The following STPG2 variants were observed in gnomAD, a reference collection of about 807,000 sequenced individuals.
STPG2 encodes sperm-tail PG-rich repeat-containing protein 2.
A neutral mutation model predicts 54.2 loss-of-function variants in STPG2; 56 were observed. That is an observed-to-expected ratio of 1.03 (90% confidence interval 0.83 to 1.29). STPG2 has a LOEUF of 1.29. Among genes scored for constraint, STPG2 ranks in the 50% most tolerant of loss-of-function variants. STPG2 has a pLI of 0.00. For missense variants in STPG2, 596 were observed against 544.9 expected (o/e 1.09, Z -0.93); for synonymous variants, 200 against 181.8 (o/e 1.10, Z -0.81).
At chr4:97,677,626 GATT>G (rs1722890925) in intron 10 of STPG2, among the ~76,000 whole-genome samples, 1 of 152,140 alleles carries the variant, frequency 6.6e-6, no homozygotes, top group Non-Finnish European at 1.5e-5. Context: ...GCAAATTTGG[GATT>G]ATTTCCTTCA....
chr4:97,625,399 T>A (rs1375130840), intron 10 of STPG2, among the ~76,000 whole-genome samples: 1 of 152,112 alleles, frequency 6.6e-6, no homozygotes, highest in African/African-American at 2.4e-5. Context: ...AACCTCTGCT[T>A]CCTGGGTTCA....
intron 4 of STPG2, among the ~76,000 whole-genome samples, chr4:97,541,021 T>C (rs1247595243): frequency 3.3e-5 from 5 of 152,178 alleles, no homozygotes; most frequent in African/African-American, 1.2e-4. Flanking sequence ...TCATACTGAA[T>C]GGGCAAAAAC....
At chr4:97,921,624 C>T (rs948135018) in intron 8 of STPG2, among the ~76,000 whole-genome samples, 1 of 151,848 alleles carries the variant, frequency 6.6e-6, no homozygotes, top group Non-Finnish European at 1.5e-5. Flanking sequence ...AAAAAACCTA[C>T]AAGACATATA....
At chr4:97,685,076 T>C (rs997643997) in intron 10 of STPG2, among the ~76,000 whole-genome samples, 15 of 152,026 alleles carry the variant, frequency 9.9e-5, no homozygotes, top group African/African-American at 3.4e-4. Flanking sequence ...ATAATAAAGA[T>C]TATTGATGAG....
chr4:97,917,258 G>A (rs1731914172), intron 8 of STPG2: 1 of 152,352 alleles, frequency 6.6e-6, no homozygotes, highest in Non-Finnish European at 1.5e-5. Context: ...GAGGCCTGAC[G>A]GGGCGGGGGG....
At chr4:97,897,215 A>T (rs1038676524) in intron 8 of STPG2, among the ~76,000 whole-genome samples, 1 of 152,066 alleles carries the variant, frequency 6.6e-6, no homozygotes, top group African/African-American at 2.4e-5. Flanking sequence ...AGCTCCATCC[A>T]TGTTCCTACA....
At chr4:97,540,228 CA>C (rs896608267) in intron 4 of STPG2, among the ~76,000 whole-genome samples, 2 of 151,764 alleles carry the variant, frequency 1.3e-5, no homozygotes, top group African/African-American at 4.8e-5. Flanking sequence ...AGATTGCTAG[CA>C]AGACTAATAA....
chr4:97,612,688 A>G (rs1733761252), intron 10 of STPG2, among the ~76,000 whole-genome samples: 1 of 152,102 alleles, frequency 6.6e-6, no homozygotes, highest in South Asian at 2.1e-4. Context: ...CAGAAAAAGG[A>G]TCAGACAGAT....
At chr4:97,677,585 T>A (rs1389356011) in intron 10 of STPG2, among the ~76,000 whole-genome samples, 1 of 152,140 alleles carries the variant, frequency 6.6e-6, no homozygotes, top group East Asian at 1.9e-4. Context: ...GTAAAGAAAA[T>A]CATTATCCAA....
chr4:97,844,092 A>G (rs975759984), intron 8 of STPG2, among the ~76,000 whole-genome samples: 3 of 151,842 alleles, frequency 2.0e-5, no homozygotes, highest in Admixed American at 2.0e-4. Flanking sequence ...AGGAGGCATG[A>G]AACCTCCTAA....
chr4:97,519,320 C>T (rs967429304), intron 4 of STPG2, among the ~76,000 whole-genome samples: 1 of 151,860 alleles, frequency 6.6e-6, no homozygotes, highest in Non-Finnish European at 1.5e-5. Context: ...GAGTGGAGGA[C>T]ATCAGTACTG....
chr4:98,044,229 G>C (rs1263096718), intron 5 of STPG2, among the ~76,000 whole-genome samples: 1 of 152,006 alleles, frequency 6.6e-6, no homozygotes, highest in Admixed American at 6.6e-5. Context: ...CACTATTATA[G>C]TAATATACTA....
chr4:97,554,025 C>T (rs901897293), downstream of STPG2, among the ~76,000 whole-genome samples: 2 of 152,088 alleles, frequency 1.3e-5, no homozygotes, highest in African/African-American at 2.4e-5. Context: ...AATTTCTTAC[C>T]GTTATCTTTA....
rs147507970 is a variant in STPG2, at chr4:97,442,217, GT to G, written c.463-254385del. ...CTATATCACTTTTACTACATGACAT[GT>G]TTTTTTTTGTTTTTTTTTTATTCAG... On this transcript the variant is annotated intron_variant, in intron 4 of 4. Coordinates refer to the STPG2 transcript ENST00000522676. Among the ~76,000 whole-genome samples, 264 of 147,164 alleles carry G rather than the reference GT, an allele frequency of 1.8e-3. 1 individual carries two copies. The highest frequency in any genetic ancestry group is 6.2e-3 in the African/African-American group (248 of 40,150).
chr4:97,612,824 G>C (rs774375658), intron 10 of STPG2, among the ~76,000 whole-genome samples: 23 of 151,894 alleles, frequency 1.5e-4, no homozygotes, highest in African/African-American at 5.6e-4. Flanking sequence ...AATAATGAGG[G>C]AGCAGTACTC....
intron 8 of STPG2, among the ~76,000 whole-genome samples, chr4:97,905,791 G>A (rs555346484): frequency 1.1e-4 from 17 of 152,110 alleles, no homozygotes; most frequent in Admixed American, 1.3e-4. Context: ...ATAAAAAAAG[G>A]CAGGAGTTGC....
At position 97,764,398 on chromosome 4, in the gene STPG2, T is replaced by A. The variant is rs895506851; in HGVS notation, c.1205-51584A>T. Among the ~76,000 whole-genome samples the A allele has an allele frequency of 2.0e-5, 3 of 152,208 alleles. No homozygotes were observed. The East Asian group carries it at 5.8e-4, about 29-fold the overall frequency. On this transcript the variant is annotated intron_variant, in intron 9 of 10. Coordinates refer to ENST00000295268, the MANE Select transcript of STPG2 (RefSeq NM_174952.3). ...GCTATAAGATACATTAGGTTGGGGCTATATGAATTTCGTGCACTATTGTAT... is the reference window on the plus strand; with the variant it reads ...GCTATAAGATACATTAGGTTGGGGCAATATGAATTTCGTGCACTATTGTAT...
chr4:97,926,040 A>G (rs1732321164), intron 8 of STPG2, among the ~76,000 whole-genome samples: 1 of 152,082 alleles, frequency 6.6e-6, no homozygotes, highest in Non-Finnish European at 1.5e-5. Flanking sequence ...TTTTATCTCA[A>G]AACTACTAGT....
intron 8 of STPG2, among the ~76,000 whole-genome samples, chr4:97,921,835 T>C (rs765858428): frequency 1.3e-5 from 2 of 152,216 alleles, no homozygotes; most frequent in Non-Finnish European, 2.9e-5. Flanking sequence ...GTAATATTAT[T>C]CAACCTTTAA....
Sources: allele counts gnomAD v4.1 joint callset (sites outside exome capture counted in the v4.1 genomes callset), GRCh38; gene constraint gnomAD v4.1.1; transcripts MANE v1.5; gene names NCBI Gene and HGNC (gene_info 2026-07-23, HGNC 2026-07-21).